Variants in IPO9 observed in about 807,000 individuals in gnomAD.
The protein encoded by IPO9 is importin-9.
In IPO9, 28 loss-of-function variants were observed where a neutral mutation model predicts 128.6. The ratio of observed to expected loss-of-function variants is 0.22; its 90% CI spans 0.16 to 0.30. The LOEUF is 0.30. Among genes scored for constraint, IPO9 ranks in the 10% least tolerant of loss-of-function variants. The pLI, the probability that IPO9 is intolerant of heterozygous loss-of-function variation, is 1.00. For synonymous variants in IPO9, 455 were observed against 475.8 expected, an observed-to-expected ratio of 0.96 and a Z score of 0.57; for missense variants, 935 against 1,293.9, an observed-to-expected ratio of 0.72 and a Z score of 4.26.
At chr1:201,841,167 G>T (rs1425590535) in intron 1 of IPO9, among the ~76,000 whole-genome samples, 1 of 152,100 alleles carries the variant, frequency 6.6e-6, no homozygotes, top group Non-Finnish European at 1.5e-5. Flanking sequence ...TAGGTGAGAG[G>T]AAGAACTAAC....
Position 201,868,702 on chromosome 1 carries a change from A to G in IPO9, c.1910A>G (p.Glu637Gly). 1 of 1,614,016 alleles carries G rather than the reference A, an allele frequency of 6.2e-7. No individual in the cohort carries two copies. ...QDIFKELSQI[E>G]ACQGPMQMRL... ...ATCTTCAAGGAGCTGTCCCAGATTG[A>G]AGCCTGTCAGGGCCCAATGCAAATG... is the stretch of plus-strand genomic sequence containing the variant. Residue 637 changes from glutamate (E) to glycine (G), a missense_variant, in exon 16 of 24, where the codon GAA becomes GGA. By Grantham distance (98) the Glu-to-Gly change is moderately conservative (BLOSUM62 -2). Around this residue, in one of 3 missense-constraint regions of IPO9, gnomAD observed 741 missense variants for 1,019.1 expected, o/e 0.73. Coordinates refer to ENST00000361565, the MANE Select transcript of IPO9 (RefSeq NM_018085.5).
At chr1:201,833,644 CTA>C (rs1469080935) in intron 1 of IPO9, among the ~76,000 whole-genome samples, 1 of 152,116 alleles carries the variant, frequency 6.6e-6, no homozygotes, top group Non-Finnish European at 1.5e-5. Flanking sequence ...TTTAACAGGG[CTA>C]ATTAGATAAG....
Position 201,852,132 on chromosome 1 carries a change from G to C in IPO9, c.543G>C (p.Gln181His), listed in dbSNP as rs763621628. Residue 181 changes from glutamine (Q) to histidine (H), a missense_variant, in exon 5 of 24, where the codon CAG (glutamine) becomes CAC (histidine). Physicochemically the swap from Gln to His is conservative, Grantham distance 24. Coordinates refer to ENST00000361565, the MANE Select transcript of IPO9 (RefSeq NM_018085.5). ...TEFTREVTDT[Q>H]MPLVAPVILP... ...TCACTCGTGAAGTAACAGACACACA[G>C]ATGCCACTTGTTGCTCCTGTCATTC... 1 of 1,612,948 alleles carries C rather than the reference G, an allele frequency of 6.2e-7. No individual in the cohort carries two copies. Among genetic ancestry groups the C allele is most frequent in the Non-Finnish European group, 8.5e-7 (1 of 1,179,116 alleles).
intron 14 of IPO9, among the ~76,000 whole-genome samples, chr1:201,864,146 C>T (rs888632927): frequency 6.6e-6 from 1 of 152,188 alleles, no homozygotes; most frequent in Non-Finnish European, 1.5e-5. Context: ...TAGGCTCAAA[C>T]TTAAACATCT....
intron 12 of IPO9, 42 bp downstream of exon 12, chr1:201,858,595 C>T (rs759680366): frequency 3.4e-6 from 4 of 1,171,362 alleles, no homozygotes; most frequent in Admixed American, 4.9e-5. Flanking sequence ...TTTTGTTTAC[C>T]CCTTCTTAAA....
chr1:201,884,259 T>A lies in IPO9; in HGVS notation c.*8205T>A, dbSNP rs1680941400. The A allele has an allele frequency of 6.6e-6, 1 of 152,256 alleles. No homozygotes were observed. The highest frequency in any genetic ancestry group is 2.1e-4 in the South Asian group (1 of 4,834). The allele number at this position is 152,256 out of a possible 1,614,324, so 9.4% of individuals were successfully genotyped here. On this transcript the variant is annotated 3_prime_UTR_variant, in exon 24 of 24. Coordinates refer to ENST00000361565, the MANE Select transcript of IPO9 (RefSeq NM_018085.5). ...CTAGTTATCTGTTTCATGGAGTGAT[T>A]GTGAGGATTAAATAAAGTTAATATA...
intron 1 of IPO9, among the ~76,000 whole-genome samples, chr1:201,835,561 A>T (rs1172352325): frequency 1.3e-5 from 2 of 152,260 alleles, no homozygotes; most frequent in Non-Finnish European, 2.9e-5. Context: ...TTATTTCACC[A>T]TGGGAAAGGG....
intron 1 of IPO9, among the ~76,000 whole-genome samples, chr1:201,832,696 T>G (rs1342337923): frequency 6.6e-6 from 1 of 152,244 alleles, no homozygotes; most frequent in Non-Finnish European, 1.5e-5. Context: ...TAGTCCTCCC[T>G]CTGTCCTCTC....
At position 201,863,461 on chromosome 1, in the gene IPO9, C is replaced by T. The variant is rs762816309; in HGVS notation, c.1482C>T (p.Leu494=). The part of the protein sequence containing the change: ...ADLNLSVSPF[L]LGRALWAASR... ...TCTTTCTCCCAGTGTCTCCTTTCCT[C>T]TTGGGCCGGGCACTTTGGGCTGCCA... Residue 494 remains leucine, a synonymous_variant, in exon 14 of 24, where the codon CTC becomes CTT. Coordinates refer to ENST00000361565, the MANE Select transcript of IPO9 (RefSeq NM_018085.5). The T allele has an allele frequency of 8.2e-6, 13 of 1,576,070 alleles. No homozygotes were observed. Among genetic ancestry groups the T allele is most frequent in the African/African-American group, 5.4e-5 (4 of 74,438 alleles).
chr1:201,883,336 G>A lies in IPO9; in HGVS notation c.*7282G>A, dbSNP rs546643821. On this transcript the variant is annotated 3_prime_UTR_variant, in exon 24 of 24. Coordinates refer to ENST00000361565, the MANE Select transcript of IPO9 (RefSeq NM_018085.5). ...CTGCAATTAGGCCCAGGGTCCCGGA[G>A]GAAGAAGGGGAGAGAAAAAGGGGGG... 9.2e-5 allele frequency: 14 copies of A among 152,398 alleles called. No individual in the cohort carries two copies. The highest frequency in any genetic ancestry group is 3.4e-4 in the African/African-American group (14 of 41,538). 9.4% of individuals were successfully genotyped at this position (152,398 alleles called of 1,614,324 possible). A position where few individuals can be genotyped will look rare whatever the true frequency, so the allele number is the denominator to read the frequency against.
In IPO9 at chr1:201,875,171, T is replaced by C; in HGVS notation, c.2958T>C (p.Asp986=). The C allele has an allele frequency of 6.2e-7, 1 of 1,614,184 alleles. No individual in the cohort carries two copies. Among genetic ancestry groups the C allele is most frequent in the Non-Finnish European group, 8.5e-7 (1 of 1,180,006 alleles). ...TAACAGAGGAGGATTACTACGAGGATGATGAGGAAGATGACCCTGATGCCC... is the reference window on the plus strand; with the variant it reads ...TAACAGAGGAGGATTACTACGAGGACGATGAGGAAGATGACCCTGATGCCC... ...TSKYEEDYYE[D]DEEDDPDALK... is the part of the protein sequence containing the mutation. Residue 986 remains aspartate, a synonymous_variant, in exon 23 of 24, where the codon GAT becomes GAC. Transcript: ENST00000361565.
At chr1:201,843,386 T>C (rs1301707469) in intron 1 of IPO9, among the ~76,000 whole-genome samples, 2 of 150,432 alleles carry the variant, frequency 1.3e-5, no homozygotes, top group Non-Finnish European at 3.0e-5. Context: ...GGTAGGGGAA[T>C]GGGGGAAAAA....
intron 13 of IPO9, among the ~76,000 whole-genome samples, chr1:201,862,202 A>T (rs1680462426): frequency 6.6e-6 from 1 of 152,176 alleles, no homozygotes; most frequent in African/African-American, 2.4e-5. Flanking sequence ...TCATGCCTGT[A>T]ATCTCAGCAC....
At chr1:201,852,456 C>T (rs1680237538) in intron 5 of IPO9, among the ~76,000 whole-genome samples, 1 of 152,184 alleles carries the variant, frequency 6.6e-6, no homozygotes, top group Admixed American at 6.5e-5. Context: ...ATAAATAGTG[C>T]CTTCCTTCAT....
intron 16 of IPO9, 128 bp from the exon 17 acceptor site, chr1:201,869,462 G>A: frequency 8.9e-7 from 1 of 1,118,172 alleles, no homozygotes; most frequent in Non-Finnish European, 1.3e-6. Flanking sequence ...TTTTATTTTG[G>A]AAACTTGCCT....
rs202009174 is a variant in IPO9, at chr1:201,855,879, C to T, written c.1067C>T (p.Ala356Val). ...AAATTCAAAAGCACTGTTAAGAAAG[C>T]CTTGCCTGAATTGATTTATTATATT... ...NSKFKSTVKK[A>V]LPELIYYIIL... is the part of the protein sequence containing the mutation. The change falls in exon 10 of 24, where the codon GCC becomes GTC. Residue 356 changes from alanine (A) to valine (V), a missense_variant. Physicochemically the swap from Ala to Val is moderately conservative, Grantham distance 64. Transcript: ENST00000361565. 1.2e-6 allele frequency: 2 copies of T among 1,611,592 alleles called. No homozygotes were observed. Among genetic ancestry groups the T allele is most frequent in the Non-Finnish European group, 1.7e-6 (2 of 1,179,370 alleles).
chr1:201,849,687 C>A (rs1203153652), intron 4 of IPO9, among the ~76,000 whole-genome samples: 1 of 152,200 alleles, frequency 6.6e-6, no homozygotes, highest in Non-Finnish European at 1.5e-5. Flanking sequence ...TCTTTCTTCT[C>A]CTTTTGTTTC....
Position 201,869,668 on chromosome 1 carries a change from C to T in IPO9, c.2083C>T (p.Pro695Ser). The T allele has an allele frequency of 6.2e-7, 1 of 1,614,188 alleles. No homozygotes were observed. The highest frequency in any genetic ancestry group is 8.5e-7 in the Non-Finnish European group (1 of 1,180,018). ...LSQLLICQAF[P>S]AVAQCTLHTD... ...CCAGCTTCTCATCTGCCAAGCTTTC[C>T]CTGCTGTGGCACAGTGTACCCTTCA... Residue 695 changes from proline to serine, a missense_variant, in exon 17 of 24, where the codon CCT becomes TCT. Physicochemically the swap from Pro to Ser is moderately conservative, Grantham distance 74 (BLOSUM62 -1). This residue lies in a region of IPO9 where 741 missense variants were observed against 1,019.1 expected (regional missense o/e 0.73). Transcript: ENST00000361565.
In IPO9 at chr1:201,877,946, G is replaced by A. The variant is rs1680807988; in HGVS notation, c.*1892G>A. The A allele has an allele frequency of 6.6e-6, 1 of 151,818 alleles. No individual in the cohort carries two copies. The highest frequency in any genetic ancestry group is 2.4e-5 in the African/African-American group (1 of 41,202). 9.4% of individuals were successfully genotyped at this position (151,818 alleles called of 1,614,324 possible). A position where few individuals can be genotyped will look rare whatever the true frequency, so the allele number is the denominator to read the frequency against. ...CTGTCTCAAAAAAAAAAAAGAGAAA[G>A]AATATAAAGTGAATCTGAATCTCCA... On this transcript the variant is annotated 3_prime_UTR_variant, in exon 24 of 24. Coordinates refer to ENST00000361565, the MANE Select transcript of IPO9 (RefSeq NM_018085.5).
Sources: gnomAD v4.1 joint callset for allele counts (sites outside exome capture counted in the v4.1 genomes callset) on GRCh38, gnomAD v4.1.1 for gene constraint, gnomAD v4.1.1 regional missense constraint, MANE v1.5 for transcripts, NCBI Gene and HGNC (gene_info 2026-07-23, HGNC 2026-07-21) for gene names.